PIAS1: variants seen among roughly 807,000 people sequenced by gnomAD.
PIAS1 encodes the protein E3 SUMO-protein ligase PIAS1.
Under a neutral mutation model 71.3 loss-of-function variants are expected in PIAS1, and 6 were observed. The ratio of observed to expected loss-of-function variants is 0.08; its 90% confidence interval spans 0.05 to 0.17. PIAS1 has a LOEUF of 0.17. Among genes scored for constraint, PIAS1 ranks in the 10% least tolerant of loss-of-function variants. PIAS1 has a pLI of 1.00. For synonymous variants in PIAS1, 303 were observed against 292.9 expected (o/e 1.03, Z -0.35); for missense variants, 555 against 793.6 (o/e 0.70, Z 3.61).
Position 68,146,654 on chromosome 15 carries a change from C to T in PIAS1, c.782C>T (p.Thr261Ile). The T allele has an allele frequency of 1.1e-5, 17 of 1,613,118 alleles. No homozygotes were observed. The highest frequency in any genetic ancestry group is 1.4e-5 in the Non-Finnish European group (17 of 1,179,240). The part of the protein sequence containing the change: ...NITSLVRLST[T>I]VPNTIVVSWT... Reference sequence around the variant, plus strand: ...ACCTCACTTGTCCGACTGTCCACAACAGTACCAAACACGATTGTTGTTTCT... The same window carrying T: ...ACCTCACTTGTCCGACTGTCCACAATAGTACCAAACACGATTGTTGTTTCT... The change falls in exon 6 of 14, where the codon ACA (threonine) becomes ATA (isoleucine). Residue 261 changes from threonine (T) to isoleucine (I), a missense_variant. Physicochemically the swap from Thr to Ile is moderately conservative, Grantham distance 89. Around this residue, in one of 5 missense-constraint regions of PIAS1, gnomAD observed 134 missense variants for 203.4 expected, o/e 0.66. Transcript: ENST00000249636.
intron 6 of PIAS1, among the ~76,000 whole-genome samples, chr15:68,148,727 G>A (rs1052878797): frequency 2.0e-5 from 3 of 152,226 alleles, no homozygotes; most frequent in Non-Finnish European, 4.4e-5. Flanking sequence ...TGCCTGGCCA[G>A]GATTTTCTCT....
intron 2 of PIAS1, among the ~76,000 whole-genome samples, chr15:68,127,112 G>A (rs2092656454): frequency 6.6e-6 from 1 of 151,758 alleles, no homozygotes; most frequent in African/African-American, 2.4e-5. Context: ...GTTTAGTAGG[G>A]ATGGGGTTTC....
Position 68,193,747 on chromosome 15 carries a change from C to G in PIAS1, c.*5912C>G. 1 of 366,082 alleles carries G rather than the reference C, an allele frequency of 2.7e-6. No individual in the cohort carries two copies. Among genetic ancestry groups the G allele is most frequent in the East Asian group, 4.9e-5 (1 of 20,252 alleles). The allele number at this position is 366,082 out of a possible 1,614,324, so 22.7% of individuals were successfully genotyped here. ...AGCAGAGCCAGGACTGGAACCCAGGCCAGACTCCAAACCGCAGGCTCCTTC... is the reference window on the plus strand; with the variant it reads ...AGCAGAGCCAGGACTGGAACCCAGGGCAGACTCCAAACCGCAGGCTCCTTC... On this transcript the variant is annotated 3_prime_UTR_variant, in exon 14 of 14. Coordinates refer to ENST00000249636, the MANE Select transcript of PIAS1 (RefSeq NM_016166.3).
chr15:68,141,243 A>G (rs1426013285), intron 2 of PIAS1, among the ~76,000 whole-genome samples: 1 of 152,132 alleles, frequency 6.6e-6, no homozygotes, highest in Non-Finnish European at 1.5e-5. Context: ...ATTGTTGCTC[A>G]TAACGGCATA....
chr15:68,141,335 CCCTT>C (rs2092768627), intron 2 of PIAS1, among the ~76,000 whole-genome samples: 1 of 152,118 alleles, frequency 6.6e-6, no homozygotes, highest in Admixed American at 6.6e-5. Context: ...CTCTTCCCCT[CCCTT>C]CCTTCCTTTC....
chr15:68,128,855 G>A (rs2141028982), intron 2 of PIAS1, among the ~76,000 whole-genome samples: 1 of 152,122 alleles, frequency 6.6e-6, no homozygotes, highest in Non-Finnish European at 1.5e-5. Flanking sequence ...TTGAGAAGCA[G>A]TCACAGAATG....
rs1281942915 is a variant in PIAS1 at position 68,187,051 on chromosome 15, A to G, written c.1663-491A>G. 6.6e-6 allele frequency among the ~76,000 whole-genome samples: 1 copy of G among 152,280 alleles called. No individual in the cohort carries two copies. The highest frequency in any genetic ancestry group is 1.5e-5 in the Non-Finnish European group (1 of 68,048). Reference sequence around the variant, plus strand: ...ACTTAGAGTAATCATACCCATTATCATTATGGCTTTAAAATTTAAATAAAA... The same window carrying G: ...ACTTAGAGTAATCATACCCATTATCGTTATGGCTTTAAAATTTAAATAAAA... On this transcript the variant is annotated intron_variant, in intron 13 of 13. Transcript: ENST00000249636. This position sits in a 1 kb window ranked among gnomAD's most constrained non-coding sequence, Gnocchi z 5.3.
intron 6 of PIAS1, among the ~76,000 whole-genome samples, chr15:68,149,326 C>CTTTT (rs562772014): frequency 1.6e-5 from 2 of 127,542 alleles, no homozygotes; most frequent in African/African-American, 5.7e-5. Flanking sequence ...TCCTGCATTA[C>CTTTT]TTTTTTTTTT....
Position 68,073,360 on chromosome 15 carries a change from GT to G in PIAS1, c.25-12943del, listed in dbSNP as rs199647895. On this transcript the variant is annotated intron_variant, in intron 1 of 13. Coordinates refer to ENST00000249636, the MANE Select transcript of PIAS1 (RefSeq NM_016166.3). ...CTAATATATTTGCATTACCAATATG[GT>G]TTGTAATAATTGACAGGTGCCAAAC... Among the ~76,000 whole-genome samples the G allele has an allele frequency of 1.7e-3, 255 of 152,254 alleles. 4 individuals are homozygous for G. In the East Asian group the frequency reaches 0.046, roughly 27 times the overall value.
chr15:68,085,375 T>C (rs1460005100), intron 1 of PIAS1, among the ~76,000 whole-genome samples: 1 of 152,000 alleles, frequency 6.6e-6, no homozygotes, highest in East Asian at 1.9e-4. Flanking sequence ...TATTAGTAGG[T>C]GGGGAAAAAG....
At chr15:68,077,993 CAGAT>C (rs977062638) in intron 1 of PIAS1, among the ~76,000 whole-genome samples, 1 of 152,188 alleles carries the variant, frequency 6.6e-6, no homozygotes, top group African/African-American at 2.4e-5. Context: ...AGCTTTCTCT[CAGAT>C]AGGGTATACT....
At chr15:68,102,912 A>G (rs1422669951) in intron 2 of PIAS1, among the ~76,000 whole-genome samples, 2 of 151,666 alleles carry the variant, frequency 1.3e-5, no homozygotes, top group African/African-American at 4.8e-5. Context: ...GTGACAGTGA[A>G]CATCCTTCTT....
chr15:68,071,193 T>A (rs1009682566), intron 1 of PIAS1, among the ~76,000 whole-genome samples: 2 of 149,880 alleles, frequency 1.3e-5, no homozygotes, highest in Non-Finnish European at 3.0e-5. Flanking sequence ...TTAATGACCT[T>A]CTTTTCACCC....
chr15:68,164,321 T>C (rs1399192108), intron 7 of PIAS1, among the ~76,000 whole-genome samples: 1 of 152,140 alleles, frequency 6.6e-6, no homozygotes, highest in African/African-American at 2.4e-5. Flanking sequence ...AATGTTATTC[T>C]TATTATTAAT....
rs183769176 is a variant in PIAS1, at chr15:68,089,033, G to A, written c.469+2283G>A. Among the ~76,000 whole-genome samples the A allele has an allele frequency of 4.0e-3, 609 of 152,296 alleles. 5 individuals carry two copies. Among genetic ancestry groups the A allele is most frequent in the African/African-American group, 0.014 (572 of 41,548 alleles). On this transcript the variant is annotated intron_variant, in intron 2 of 13. Transcript: ENST00000249636. ...TTGATCACAACTATCACTGAGTCCA[G>A]AATGGGACAGGCACATTTACTTTTT... is the stretch of plus-strand genomic sequence containing the variant.
At chr15:68,179,390 A>C (rs1476991073) in intron 11 of PIAS1, among the ~76,000 whole-genome samples, 1 of 151,962 alleles carries the variant, frequency 6.6e-6, no homozygotes, top group East Asian at 1.9e-4. Context: ...CTAATGGTAA[A>C]TGGTACTTTT....
intron 2 of PIAS1, among the ~76,000 whole-genome samples, chr15:68,139,784 T>C (rs1195746733): frequency 6.6e-6 from 1 of 152,186 alleles, no homozygotes; most frequent in Non-Finnish European, 1.5e-5. Context: ...TAGATACTTT[T>C]TTCTGTATCC....
At chr15:68,151,181 G>GTT (rs199594709) in intron 6 of PIAS1, among the ~76,000 whole-genome samples, 1 of 151,428 alleles carries the variant, frequency 6.6e-6, no homozygotes, top group African/African-American at 2.4e-5. Flanking sequence ...CTTTGGTGGG[G>GTT]TTTTTTTTGC....
At chr15:68,165,495 T>G (rs528185994) in intron 8 of PIAS1, among the ~76,000 whole-genome samples, 1 of 152,276 alleles carries the variant, frequency 6.6e-6, no homozygotes, top group East Asian at 1.9e-4. Context: ...ATTTAACCAT[T>G]TTGCTAACAA....
Sources: gnomAD v4.1 joint callset for allele counts (sites outside exome capture counted in the v4.1 genomes callset) on GRCh38, gnomAD v4.1.1 for gene constraint, gnomAD v4.1.1 regional missense constraint, Gnocchi (gnomAD v3.1) non-coding constraint, MANE v1.5 for transcripts, NCBI Gene and HGNC (gene_info 2026-07-23, HGNC 2026-07-21) for gene names.